Variants in SYT11 observed in about 807,000 individuals in gnomAD.
SYT11 encodes synaptotagmin-11.
A neutral mutation model predicts 30.4 loss-of-function variants in SYT11; 12 were observed. That is an observed-to-expected ratio of 0.39 (90% confidence interval 0.25 to 0.64). SYT11 has a LOEUF of 0.64. SYT11 is among the 30% of genes least tolerant of loss of function. The pLI, the probability that SYT11 is intolerant of heterozygous loss-of-function variation, is 0.45. For synonymous variants in SYT11, 204 were observed against 216.0 expected (o/e 0.94, Z 0.49); for missense variants, 412 against 552.0 (o/e 0.75, Z 2.54).
chr1:155,865,588 A>T (rs890791788), intron 1 of SYT11, among the ~76,000 whole-genome samples: 8 of 151,348 alleles, frequency 5.3e-5, no homozygotes, highest in African/African-American at 1.9e-4. Context: ...TGATCGTGCC[A>T]TTGTACTTTA....
Position 155,881,571 on chromosome 1 carries a change from G to C in SYT11, c.*63G>C, listed in dbSNP as rs1280591243. ...TGGGGAGGGATGTGGAGGGGAAAAA[G>C]ATGACAGAGAAGTGGACTCCAAACC... On this transcript the variant is annotated 3_prime_UTR_variant, in exon 4 of 4. Coordinates refer to ENST00000368324, the MANE Select transcript of SYT11 (RefSeq NM_152280.5). 6.8e-6 allele frequency: 10 copies of C among 1,473,114 alleles called. No individual in the cohort carries two copies. The East Asian group carries it at 1.8e-4, about 27-fold the overall frequency. 91.3% of individuals were successfully genotyped at this position (1,473,114 alleles called of 1,614,324 possible). A position where few individuals can be genotyped will look rare whatever the true frequency, so the allele number is the denominator to read the frequency against.
chr1:155,877,180 G>A (rs1222520629), intron 2 of SYT11, among the ~76,000 whole-genome samples: 3 of 152,022 alleles, frequency 2.0e-5, no homozygotes, highest in Non-Finnish European at 2.9e-5. Flanking sequence ...TTGTTAGCCA[G>A]GATGGTCTCA....
intron 1 of SYT11, among the ~76,000 whole-genome samples, chr1:155,866,366 C>T (rs918460143): frequency 3.9e-5 from 6 of 152,158 alleles, no homozygotes; most frequent in South Asian, 2.1e-4. Flanking sequence ...ATCTGCCTGC[C>T]TCAGCCTCCC....
chr1:155,863,571 G>A (rs1255046736), intron 1 of SYT11, among the ~76,000 whole-genome samples: 1 of 152,060 alleles, frequency 6.6e-6, no homozygotes, highest in Non-Finnish European at 1.5e-5. Flanking sequence ...AGAATTGCTT[G>A]AGCCCAGGAG....
chr1:155,866,697 G>T (rs376616897), intron 1 of SYT11, among the ~76,000 whole-genome samples: 3 of 152,076 alleles, frequency 2.0e-5, no homozygotes. Flanking sequence ...AGGCTAGGAA[G>T]AGTGGGTGGT....
At chr1:155,867,420 G>C (rs1370511561) in intron 1 of SYT11, among the ~76,000 whole-genome samples, 1 of 152,066 alleles carries the variant, frequency 6.6e-6, no homozygotes, top group Non-Finnish European at 1.5e-5. Context: ...CATAAACCCA[G>C]AATTCTTCCT....
rs919829481 is a variant in SYT11 at position 155,881,572 on chromosome 1, A to T, written c.*64A>T. ...GGGGAGGGATGTGGAGGGGAAAAAG[A>T]TGACAGAGAAGTGGACTCCAAACCT... On this transcript the variant is annotated 3_prime_UTR_variant, in exon 4 of 4. Transcript: ENST00000368324. The T allele has an allele frequency of 8.0e-5, 118 of 1,474,212 alleles. 1 individual carries two copies. In the South Asian group the frequency reaches 1.5e-3, roughly 19 times the overall value. 91.3% of individuals were successfully genotyped at this position (1,474,212 alleles called of 1,614,324 possible). A position where few individuals can be genotyped will look rare whatever the true frequency, so the allele number is the denominator to read the frequency against.
In SYT11 at chr1:155,881,718, G is replaced by A. The variant is rs1672966674; in HGVS notation, c.*210G>A. 2.2e-6 allele frequency: 1 copy of A among 452,418 alleles called. No homozygotes were observed. The highest frequency in any genetic ancestry group is 3.9e-5 in the Admixed American group (1 of 25,388). 28.0% of individuals were successfully genotyped at this position (452,418 alleles called of 1,614,324 possible). On this transcript the variant is annotated 3_prime_UTR_variant, in exon 4 of 4. Coordinates refer to ENST00000368324, the MANE Select transcript of SYT11 (RefSeq NM_152280.5). ...TTTTTTTCTGCTTTGCAAGGCGCTA[G>A]AATCTTTTATTTTACTTTATTTTTT...
chr1:155,859,854 G>T lies in SYT11; in HGVS notation c.34+59G>T, dbSNP rs1043689468. 6 of 1,527,420 alleles carry T rather than the reference G, an allele frequency of 3.9e-6. No homozygotes were observed. The African/African-American group carries it at 4.1e-5, about 10-fold the overall frequency. The allele number at this position is 1,527,420 out of a possible 1,614,324, so 94.6% of individuals were successfully genotyped here. ...GTCAGAATGGTTGCAAGGCCAAGGG[G>T]GCCCAGCGGCAGGGCAGAGAATGCA... On this transcript the variant is annotated intron_variant, in intron 1 of 3. Transcript: ENST00000368324.
chr1:155,864,617 A>T (rs1027545522), intron 1 of SYT11, among the ~76,000 whole-genome samples: 3 of 152,132 alleles, frequency 2.0e-5, no homozygotes, highest in Non-Finnish European at 4.4e-5. Context: ...TTTTTGACTC[A>T]TCAAGTGAGG....
At chr1:155,864,796 C>T (rs1022655605) in intron 1 of SYT11, among the ~76,000 whole-genome samples, 3 of 151,166 alleles carry the variant, frequency 2.0e-5, no homozygotes, top group Non-Finnish European at 2.9e-5. Context: ...CTGCAGCCTC[C>T]GCCTCCGAGG....
rs375826556 is a variant in SYT11, at chr1:155,881,152, T to G, written c.986-46T>G. 11 of 1,568,854 alleles carry G rather than the reference T, an allele frequency of 7.0e-6. No individual in the cohort carries two copies. In the African/African-American group the frequency reaches 1.5e-4, roughly 21 times the overall value. ...ATTACCATTACATAGGAGAGGACTG[T>G]GTCATAGGTCTGTCTCCCTTTTTCT... is the stretch of plus-strand genomic sequence containing the variant. On this transcript the variant is annotated intron_variant, in intron 3 of 3. Coordinates refer to ENST00000368324, the MANE Select transcript of SYT11 (RefSeq NM_152280.5).
At chr1:155,879,417 C>CA (rs951679673) in intron 2 of SYT11, among the ~76,000 whole-genome samples, 6 of 150,852 alleles carry the variant, frequency 4.0e-5, no homozygotes, top group South Asian at 2.1e-4. Context: ...GCCTCTGTCT[C>CA]AAAAAAAAAG....
At chr1:155,862,513 C>A (rs1318846989) in intron 1 of SYT11, among the ~76,000 whole-genome samples, 3 of 152,212 alleles carry the variant, frequency 2.0e-5, no homozygotes, top group Non-Finnish European at 4.4e-5. Flanking sequence ...TGTTTCTCTT[C>A]TTTTCCTTCT....
intron 1 of SYT11, among the ~76,000 whole-genome samples, chr1:155,865,693 T>C (rs1444784447): frequency 6.6e-6 from 1 of 152,026 alleles, no homozygotes; most frequent in Non-Finnish European, 1.5e-5. Context: ...TCTATTTCCT[T>C]TTCTTTTTTT....
At chr1:155,871,445 A>C (rs1672779951) in intron 2 of SYT11, among the ~76,000 whole-genome samples, 1 of 152,190 alleles carries the variant, frequency 6.6e-6, no homozygotes, top group South Asian at 2.1e-4. Context: ...GGACTCCTCC[A>C]GACAGCTATA....
At chr1:155,864,545 G>A (rs1672638724) in intron 1 of SYT11, among the ~76,000 whole-genome samples, 1 of 152,122 alleles carries the variant, frequency 6.6e-6, no homozygotes, top group Admixed American at 6.6e-5. Flanking sequence ...TAATAGAAGG[G>A]AAAACAGTAG....
At chr1:155,862,392 T>C (rs1672607103) in intron 1 of SYT11, among the ~76,000 whole-genome samples, 1 of 152,204 alleles carries the variant, frequency 6.6e-6, no homozygotes, top group Non-Finnish European at 1.5e-5. Flanking sequence ...CTCATTGTCT[T>C]GGTTTCAGGG....
At chr1:155,867,790 G>T (rs1218975864) in intron 1 of SYT11, among the ~76,000 whole-genome samples, 175 bp from the exon 2 acceptor site, 1 of 152,198 alleles carries the variant, frequency 6.6e-6, no homozygotes, top group Non-Finnish European at 1.5e-5. Flanking sequence ...GGTTGGAGAG[G>T]TTGGGAGAGG....
Sources: gnomAD v4.1 joint callset for allele counts (sites outside exome capture counted in the v4.1 genomes callset) on GRCh38, gnomAD v4.1.1 for gene constraint, MANE v1.5 for transcripts, NCBI Gene and HGNC (gene_info 2026-07-23, HGNC 2026-07-21) for gene names.